The following FABP4 variants were observed in gnomAD, a reference collection of about 807,000 sequenced individuals.
FABP4 encodes fatty acid-binding protein, adipocyte.
A neutral mutation model predicts 14.6 loss-of-function variants in FABP4; 17 were observed. The observed-to-expected ratio is 1.16, with a 90% CI of 0.80 to 1.74. FABP4 has a LOEUF of 1.74. FABP4 is among the 40% of genes most tolerant of loss of function. The pLI is 0.00. For missense variants in FABP4, 149 were observed against 160.3 expected (o/e 0.93, Z 0.38); for synonymous variants, 54 against 54.6 (o/e 0.99, Z 0.05).
intron 1 of FABP4, among the ~76,000 whole-genome samples, chr8:81,481,541 C>G (rs1009574191): frequency 6.6e-6 from 1 of 152,114 alleles, no homozygotes; most frequent in African/African-American, 2.4e-5. Context: ...CATAGATTTG[C>G]TGAATTTTTT....
chr8:81,482,052 TATTA>T (rs905327059), intron 1 of FABP4, among the ~76,000 whole-genome samples: 21 of 152,154 alleles, frequency 1.4e-4, no homozygotes, highest in African/African-American at 4.8e-4. Context: ...CATCAGTGCA[TATTA>T]ATTAGTTTAT....
intron 3 of FABP4, among the ~76,000 whole-genome samples, 187 bp downstream of exon 3, chr8:81,479,227 A>G (rs955207800): frequency 1.3e-5 from 2 of 152,176 alleles, no homozygotes; most frequent in African/African-American, 4.8e-5. Flanking sequence ...AATGCTTCCT[A>G]GAAGACAGCA....
At chr8:81,482,105 C>A (rs1184244544) in intron 1 of FABP4, among the ~76,000 whole-genome samples, 1 of 152,080 alleles carries the variant, frequency 6.6e-6, no homozygotes, top group Admixed American at 6.6e-5. Context: ...CTCTCTCATG[C>A]TGAAGTCACC....
chr8:81,480,662 A>G, intron 1 of FABP4, 64 bp from the exon 2 acceptor site: 1 of 1,488,630 alleles, frequency 6.7e-7, no homozygotes, highest in Non-Finnish European at 9.1e-7. Context: ...TCCAAGTCAG[A>G]GAATGTGTGT....
chr8:81,480,382 T>C (rs1468832492), intron 2 of FABP4, 44 bp downstream of exon 2: 9 of 1,566,290 alleles, frequency 5.7e-6, no homozygotes, highest in Non-Finnish European at 7.8e-6. Flanking sequence ...CAGTGGTGAT[T>C]TAGAAACCAG....
chr8:81,481,502 T>C lies in FABP4; in HGVS notation c.74-904A>G, dbSNP rs531125378. The stretch of plus-strand genomic sequence containing the variant: ...TAACATAGCAGTAACTTGCTGACAC[T>C]GTGTATGTCATGCAGAGTTTATGGC... On this transcript the variant is annotated intron_variant, in intron 1 of 3. Coordinates refer to ENST00000256104, the MANE Select transcript of FABP4 (RefSeq NM_001442.3). 3.3e-5 allele frequency among the ~76,000 whole-genome samples: 5 copies of C among 152,316 alleles called. No individual in the cohort carries two copies. The East Asian group carries it at 5.8e-4, about 18-fold the overall frequency.
chr8:81,479,640 G>GCGACAAGAATATATTT, intron 2 of FABP4, 125 bp from the exon 3 acceptor site: 1 of 592,176 alleles, frequency 1.7e-6, no homozygotes, highest in Non-Finnish European at 2.9e-6. Context: ...AGAATATATT[G>GCGACAAGAATATATTT]CAACAAGAAA....
In FABP4 at chr8:81,482,274, C is replaced by G. The variant is rs536834618; in HGVS notation, c.73+821G>C. Among the ~76,000 whole-genome samples, 6 of 152,274 alleles carry G rather than the reference C, an allele frequency of 3.9e-5. No individual in the cohort carries two copies. The South Asian group carries it at 1.2e-3, about 32-fold the overall frequency. The stretch of plus-strand genomic sequence containing the variant: ...CCTCCCCAGTTTGCTAACCCCAGTT[C>G]TGACTTTATTGGACTGTCATGCATG... On this transcript the variant is annotated intron_variant, in intron 1 of 3. Transcript: ENST00000256104.
At chr8:81,478,946 A>G in intron 3 of FABP4, 31 bp from the exon 4 acceptor site, 4 of 1,555,658 alleles carry the variant, frequency 2.6e-6, no homozygotes, top group Non-Finnish European at 3.5e-6. Flanking sequence ...TTGGTCAATC[A>G]CTGGATTAAA....
Position 81,478,865 on chromosome 8 carries a change from T to C in FABP4, c.399A>G (p.Ter133=). 1 of 1,613,014 alleles carries C rather than the reference T, an allele frequency of 6.2e-7. No individual in the cohort carries two copies. The highest frequency in any genetic ancestry group is 8.5e-7 in the Non-Finnish European group (1 of 1,179,228). ...VTSTRVYERA[*] ...TCAGTCCAGGTCAACGTCCCTTGGC[T>C]TATGCTCTCTCATAAACTCTCGTGG... The change falls in exon 4 of 4, where the codon TAA becomes TAG. Residue 133 remains the stop codon, a stop_retained_variant. Transcript: ENST00000256104.
chr8:81,481,934 A>G (rs1808084125), intron 1 of FABP4, among the ~76,000 whole-genome samples: 1 of 152,316 alleles, frequency 6.6e-6, no homozygotes, highest in South Asian at 2.1e-4. Context: ...AATTATAATC[A>G]GCCCTTTATA....
Position 81,483,146 on chromosome 8 carries a change from T to TC in FABP4, c.21_22insG (p.Thr8AspfsTer8). The TC allele has an allele frequency of 6.2e-7, 1 of 1,611,128 alleles. No individual in the cohort carries two copies. The highest frequency in any genetic ancestry group is 8.5e-7 in the Non-Finnish European group (1 of 1,178,678). On this transcript the variant is annotated frameshift_variant, in exon 1 of 4. Coordinates refer to ENST00000256104, the MANE Select transcript of FABP4 (RefSeq NM_001442.3). LOFTEE classifies it high-confidence loss of function. The stretch of plus-strand genomic sequence containing the variant: ...TTTTCACTGGAGACAAGTTTCCAGG[T>TC]ACCTACAAAAGCATCACACATTTTG...
rs559655366 is a variant in FABP4 at position 81,478,699 on chromosome 8, A to C, written c.*166T>G. The C allele has an allele frequency of 3.7e-4, 204 of 547,006 alleles. No homozygotes were observed. Among genetic ancestry groups the C allele is most frequent in the Admixed American group, 1.6e-3 (49 of 30,360 alleles). 33.9% of individuals were successfully genotyped at this position (547,006 alleles called of 1,614,324 possible). ...CATCATTACATCACCTTCTAAATCT[A>C]AAAAAAGTTTATTTAACCAACGTAA... On this transcript the variant is annotated 3_prime_UTR_variant, in exon 4 of 4. Coordinates refer to ENST00000256104, the MANE Select transcript of FABP4 (RefSeq NM_001442.3).
Position 81,478,582 on chromosome 8 carries a change from G to T in FABP4, c.*283C>A. The T allele has an allele frequency of 3.4e-6, 1 of 290,560 alleles. No individual in the cohort carries two copies. The highest frequency in any genetic ancestry group is 6.4e-6 in the Non-Finnish European group (1 of 156,218). The allele number at this position is 290,560 out of a possible 1,614,324, so 18.0% of individuals were successfully genotyped here. ...TTTACCTTGAATTATTATGAAATATGTTATTATTCATATCAGAACAAAGAA... is the reference window on the plus strand; with the variant it reads ...TTTACCTTGAATTATTATGAAATATTTTATTATTCATATCAGAACAAAGAA... On this transcript the variant is annotated 3_prime_UTR_variant, in exon 4 of 4. Transcript: ENST00000256104.
chr8:81,479,414 C>T lies in FABP4; in HGVS notation c.348G>A (p.Val116=), dbSNP rs147013495. Reference sequence around the variant, plus strand: ...AATTAAGTAGCTAGAAGATACTCACCACCACCAGTTTATCATCCTCTCGTT... The same window carrying T: ...AATTAAGTAGCTAGAAGATACTCACTACCACCAGTTTATCATCCTCTCGTT... The part of the protein sequence containing the change: ...KRKREDDKLV[V]ECVMKGVTST... The change falls in exon 3 of 4, where the codon GTG becomes GTA. Residue 116 remains valine (V), a splice_region_variant and synonymous_variant. Coordinates refer to ENST00000256104, the MANE Select transcript of FABP4 (RefSeq NM_001442.3). The T allele has an allele frequency of 6.2e-7, 1 of 1,610,730 alleles. No homozygotes were observed. Among genetic ancestry groups the T allele is most frequent in the Non-Finnish European group, 8.5e-7 (1 of 1,177,378 alleles).
chr8:81,480,891 C>T (rs968906723), intron 1 of FABP4, among the ~76,000 whole-genome samples: 2 of 151,946 alleles, frequency 1.3e-5, no homozygotes, highest in Non-Finnish European at 2.9e-5. Context: ...TCAGGAGACC[C>T]ATTGTTTATT....
chr8:81,480,092 C>G (rs1808050218), intron 2 of FABP4: 1 of 191,112 alleles, frequency 5.2e-6, no homozygotes, highest in South Asian at 1.4e-4. Context: ...AGCTGTATTA[C>G]CAGCTACTCA....
At chr8:81,479,161 C>A (rs1808022193) in intron 3 of FABP4, among the ~76,000 whole-genome samples, 1 of 152,030 alleles carries the variant, frequency 6.6e-6, no homozygotes, top group South Asian at 2.1e-4. Flanking sequence ...ATAGGTAATA[C>A]AATATGGTGG....
At chr8:81,479,761 A>T in intron 2 of FABP4, 1 of 317,236 alleles carries the variant, frequency 3.2e-6, no homozygotes, top group East Asian at 5.7e-5. Flanking sequence ...TGAAAAAGAA[A>T]TTTACATTGC....
Sources: allele counts gnomAD v4.1 joint callset (sites outside exome capture counted in the v4.1 genomes callset), GRCh38; gene constraint gnomAD v4.1.1; transcripts MANE v1.5; gene names NCBI Gene and HGNC (gene_info 2026-07-23, HGNC 2026-07-21).